GALNT13: variants seen among roughly 807,000 people sequenced by gnomAD.
GALNT13 encodes UDP-GalNAc:polypeptide N-acetylgalactosaminyltransferase 13.
Under a neutral mutation model 64.2 loss-of-function variants are expected in GALNT13, and 28 were observed. That is an observed-to-expected ratio of 0.44 (90% CI 0.32 to 0.60). The LOEUF (loss-of-function observed/expected upper bound fraction) is 0.60. Ranked by LOEUF, GALNT13 falls within the 20% of genes least tolerant of loss-of-function variation. The pLI is 0.05. For missense variants in GALNT13, 577 were observed against 669.8 expected (o/e 0.86, Z 1.53); for synonymous variants, 214 against 224.6 (o/e 0.95, Z 0.42).
At chr2:153,325,949 G>T in the GALNT13 span, among the ~76,000 whole-genome samples, 5 of 152,258 alleles carry the variant, frequency 3.3e-5, no homozygotes, top group African/African-American at 1.2e-4. Context: ...AGTGTTATGT[G>T]GTGCGGAGAA....
At chr2:153,132,899 T>C in the GALNT13 span, among the ~76,000 whole-genome samples, 1 of 152,062 alleles carries the variant, frequency 6.6e-6, no homozygotes, top group Non-Finnish European at 1.5e-5. Context: ...TTTTTGGTAT[T>C]TTTTGTAGAG....
chr2:154,414,715 T>G (rs1241644405), intron 11 of GALNT13, among the ~76,000 whole-genome samples: 6 of 152,038 alleles, frequency 3.9e-5, no homozygotes, highest in African/African-American at 1.4e-4. Context: ...TCTTGTCATT[T>G]ATAAGAATAC....
intron 3 of GALNT13, among the ~76,000 whole-genome samples, chr2:154,056,044 T>A (rs1699877706): frequency 6.6e-6 from 1 of 152,128 alleles, no homozygotes; most frequent in South Asian, 2.1e-4. Context: ...GAATTACTGA[T>A]CCCTCATAAA....
chr2:154,186,376 A>G (rs974223468), intron 4 of GALNT13, among the ~76,000 whole-genome samples: 6 of 152,100 alleles, frequency 3.9e-5, no homozygotes, highest in Admixed American at 3.9e-4. Flanking sequence ...ATATTTACGT[A>G]TGTAGCAGAA....
At chr2:154,449,492 T>G (rs967337463) in intron 12 of GALNT13, among the ~76,000 whole-genome samples, 1 of 141,834 alleles carries the variant, frequency 7.1e-6, no homozygotes, top group Non-Finnish European at 1.5e-5. Context: ...AAAAAAAAAG[T>G]ATCTAGAGTG....
intron 3 of GALNT13, among the ~76,000 whole-genome samples, chr2:153,998,265 G>A (rs75830986): frequency 0.2 from 31,053 of 152,074 alleles, 4,083 homozygotes; most frequent in Middle Eastern, 0.33. Context: ...CACCAATAGT[G>A]TAAAAGTGTT....
the GALNT13 span, among the ~76,000 whole-genome samples, chr2:153,490,763 C>T: frequency 1.9e-3 from 283 of 152,104 alleles, no homozygotes; most frequent in Non-Finnish European, 3.2e-3. Flanking sequence ...AGTTCAAGAC[C>T]AGGCTGGCCA....
chr2:153,185,374 G>C, the GALNT13 span, among the ~76,000 whole-genome samples: 6 of 151,960 alleles, frequency 3.9e-5, no homozygotes, highest in Non-Finnish European at 1.5e-5. Context: ...CTACCTAGTG[G>C]TCCATCTTAT....
At chr2:153,556,692 C>G in the GALNT13 span, among the ~76,000 whole-genome samples, 21 of 152,262 alleles carry the variant, frequency 1.4e-4, no homozygotes, top group African/African-American at 4.8e-4. Flanking sequence ...AGAGGGAAAA[C>G]TGTTTAACTG....
chr2:153,567,370 C>G, the GALNT13 span, among the ~76,000 whole-genome samples: 69 of 152,296 alleles, frequency 4.5e-4, no homozygotes, highest in South Asian at 4.8e-3. Flanking sequence ...GTATGTCAGA[C>G]TGACAGTATC....
At chr2:153,451,479 G>C in the GALNT13 span, among the ~76,000 whole-genome samples, 1 of 152,116 alleles carries the variant, frequency 6.6e-6, no homozygotes, top group Non-Finnish European at 1.5e-5. Context: ...TCTCCCCCAA[G>C]TGCATGAGGC....
chr2:153,251,998 G>C, the GALNT13 span, among the ~76,000 whole-genome samples: 3 of 151,652 alleles, frequency 2.0e-5, no homozygotes, highest in Non-Finnish European at 4.4e-5. Flanking sequence ...TAAAGGGATG[G>C]CTGGGTCAAA....
At chr2:153,423,618 TA>T in the GALNT13 span, 9 of 151,962 alleles carry the variant, frequency 5.9e-5, no homozygotes, top group African/African-American at 2.2e-4. Flanking sequence ...AATGGTTATT[TA>T]AAAATTAAAT....
At chr2:153,598,873 A>C in the GALNT13 span, among the ~76,000 whole-genome samples, 6 of 152,076 alleles carry the variant, frequency 3.9e-5, no homozygotes, top group Admixed American at 6.6e-5. Context: ...GATATCTGAA[A>C]AATTCTTTCA....
the GALNT13 span, among the ~76,000 whole-genome samples, chr2:153,694,280 C>T: frequency 1.3e-5 from 2 of 152,114 alleles, no homozygotes; most frequent in South Asian, 4.1e-4. Context: ...AGGCCGTATG[C>T]ATAGGTGACT....
At chr2:153,273,864 C>A in the GALNT13 span, among the ~76,000 whole-genome samples, 3 of 152,146 alleles carry the variant, frequency 2.0e-5, no homozygotes, top group Non-Finnish European at 4.4e-5. Flanking sequence ...ATATTTGAAA[C>A]TAAAATTGAT....
chr2:153,897,728 T>C (rs1453907743), intron 1 of GALNT13, among the ~76,000 whole-genome samples: 1 of 152,110 alleles, frequency 6.6e-6, no homozygotes, highest in East Asian at 1.9e-4. Flanking sequence ...TACTTTTTAG[T>C]TGACATTATA....
chr2:153,738,498 CTCTG>C, the GALNT13 span, among the ~76,000 whole-genome samples: 2 of 152,096 alleles, frequency 1.3e-5, no homozygotes, highest in South Asian at 4.1e-4. Context: ...TTCCTACTTT[CTCTG>C]TCTGTGCCAC....
At chr2:154,178,778 C>A (rs1169695466) in intron 4 of GALNT13, among the ~76,000 whole-genome samples, 1 of 152,150 alleles carries the variant, frequency 6.6e-6, no homozygotes, top group Non-Finnish European at 1.5e-5. Flanking sequence ...TCCCATTCAG[C>A]CAGCTCCAGT....
Sources: gnomAD v4.1 joint callset for allele counts (sites outside exome capture counted in the v4.1 genomes callset) on GRCh38, gnomAD v4.1.1 for gene constraint, MANE v1.5 for transcripts, NCBI Gene and HGNC (gene_info 2026-07-23, HGNC 2026-07-21) for gene names.